Variants in RBM47 observed in about 807,000 individuals in gnomAD.
The protein encoded by RBM47 is RNA binding motif protein 47, also known as RNA-binding protein 47.
In RBM47, 21 loss-of-function variants were observed where a neutral mutation model predicts 47.1. That is an observed-to-expected ratio of 0.45 (90% CI 0.32 to 0.64). The LOEUF is 0.64. Among genes scored for constraint, RBM47 ranks in the 30% least tolerant of loss-of-function variants. The probability of loss-of-function intolerance (pLI) is 0.05; values close to 1 mark genes in which losing one functional copy is unlikely to be tolerated. For missense variants in RBM47, 708 were observed against 870.9 expected (o/e 0.81, Z 2.35); for synonymous variants, 375 against 361.7 (o/e 1.04, Z -0.42).
At chr4:40,555,150 T>A (rs1046004339) in intron 1 of RBM47, among the ~76,000 whole-genome samples, 2 of 152,198 alleles carry the variant, frequency 1.3e-5, no homozygotes, top group African/African-American at 4.8e-5. Context: ...TTGGCCAGGC[T>A]GGCCTCGAAC....
intron 2 of RBM47, among the ~76,000 whole-genome samples, chr4:40,510,438 A>G (rs186729081): frequency 7.2e-5 from 11 of 152,308 alleles, no homozygotes; most frequent in African/African-American, 2.6e-4. Flanking sequence ...AGCTAGAGAT[A>G]CAGTAGCAAG....
chr4:40,533,472 C>G (rs1489334305), intron 2 of RBM47, among the ~76,000 whole-genome samples: 1 of 151,372 alleles, frequency 6.6e-6, no homozygotes, highest in Non-Finnish European at 1.5e-5. Context: ...GAAAAAAAAG[C>G]TCTCAGGTAG....
chr4:40,534,032 C>T (rs570741130), intron 2 of RBM47, among the ~76,000 whole-genome samples: 355 of 152,134 alleles, frequency 2.3e-3, no homozygotes, highest in Non-Finnish European at 3.3e-3. Context: ...TCAGGCTGGT[C>T]TCAAACTCCC....
chr4:40,552,448 A>G (rs1303554150), intron 1 of RBM47, among the ~76,000 whole-genome samples: 2 of 152,038 alleles, frequency 1.3e-5, no homozygotes, highest in Admixed American at 1.3e-4. Context: ...ATAAATAAAA[A>G]TGGGCTCTGT....
At chr4:40,528,907 C>T (rs1264463113) in intron 2 of RBM47, among the ~76,000 whole-genome samples, 1 of 151,580 alleles carries the variant, frequency 6.6e-6, no homozygotes, top group East Asian at 1.9e-4. Context: ...CCCGCCACTG[C>T]ACTCCAGCCT....
chr4:40,567,587 T>C (rs1248491259), intron 1 of RBM47, among the ~76,000 whole-genome samples: 1 of 152,052 alleles, frequency 6.6e-6, no homozygotes, highest in Non-Finnish European at 1.5e-5. Context: ...CCCAAGATCT[T>C]GTAAAGGCAT....
intron 2 of RBM47, among the ~76,000 whole-genome samples, chr4:40,527,583 G>A (rs899872824): frequency 4.0e-5 from 6 of 150,296 alleles, no homozygotes; most frequent in South Asian, 2.1e-4. Context: ...GAGACACTGC[G>A]CCCGGACTAA....
intron 2 of RBM47, among the ~76,000 whole-genome samples, chr4:40,505,110 G>C (rs931695457): frequency 6.6e-6 from 1 of 152,140 alleles, no homozygotes; most frequent in African/African-American, 2.4e-5. Flanking sequence ...AGAATTGCTT[G>C]AGGCCAGGAG....
At position 40,530,884 on chromosome 4, in the gene RBM47, G is replaced by A. The variant is rs116261818; in HGVS notation, c.-155+13538C>T. On this transcript the variant is annotated intron_variant, in intron 2 of 6. Transcript: ENST00000295971. ...GGAGGCTGAAGTGGGAGGATCCTTG[G>A]AGCCCAGGAGTTGGGGACCAGCTTG... Among the ~76,000 whole-genome samples the A allele has an allele frequency of 5.1e-3, 778 of 152,164 alleles. 8 individuals are homozygous for A. The highest frequency in any genetic ancestry group is 0.018 in the African/African-American group (738 of 41,524).
chr4:40,487,946 A>C (rs1721332596), intron 2 of RBM47, among the ~76,000 whole-genome samples: 1 of 149,802 alleles, frequency 6.7e-6, no homozygotes, highest in Non-Finnish European at 1.5e-5. Context: ...AGGGAAAAAA[A>C]CGGAACGCAC....
At chr4:40,582,877 T>A (rs527646347) in intron 1 of RBM47, among the ~76,000 whole-genome samples, 22 of 152,346 alleles carry the variant, frequency 1.4e-4, no homozygotes, top group Admixed American at 1.3e-4. Flanking sequence ...CCCTTGCCCA[T>A]GCTGTACTCT....
intron 3 of RBM47, among the ~76,000 whole-genome samples, chr4:40,466,328 G>C: frequency 6.8e-6 from 1 of 146,724 alleles, no homozygotes; most frequent in Non-Finnish European, 1.5e-5. Context: ...GGAGGTTAAG[G>C]GTCAGATTTA....
At chr4:40,535,374 T>TTTTTTTTTTTTTTTCTTTTTTC in intron 2 of RBM47, among the ~76,000 whole-genome samples, 2 of 130,464 alleles carry the variant, frequency 1.5e-5, no homozygotes, top group East Asian at 2.3e-4. Context: ...GGTATTTCTT[T>TTTTTTTTTTTTTTTCTTTTTTC]TTTTTTTTTT....
rs1553877705 is a variant in RBM47, at chr4:40,437,090, A to ATATAT, written c.1124-444_1124-443insATATA. ...CCCTGTCTCAAAAAAAAAAAAAAAA[A>ATATAT]ATATATATATATATATATATAAAAT... On this transcript the variant is annotated intron_variant, in intron 4 of 6. Coordinates refer to ENST00000295971, the MANE Select transcript of RBM47 (RefSeq NM_001098634.2). 1.7e-3 allele frequency among the ~76,000 whole-genome samples: 84 copies of ATATAT among 49,808 alleles called. 12 individuals are homozygous for ATATAT. Among genetic ancestry groups the ATATAT allele is most frequent in the Middle Eastern group, 0.034 (2 of 58 alleles). The allele number at this position is 49,808 out of a possible 152,430, so 32.7% of individuals were successfully genotyped here.
rs1002717445 is a variant in RBM47 at position 40,449,660 on chromosome 4, C to G, written c.-31-10736G>C. Among the ~76,000 whole-genome samples, 7 of 152,232 alleles carry G rather than the reference C, an allele frequency of 4.6e-5. No homozygotes were observed. The East Asian group carries it at 1.2e-3, about 25-fold the overall frequency. ...CAGGGGTTTGGCAGCACACAAATACCAGTTAGGAAACTATTATCTTGTTCC... is the reference window on the plus strand; with the variant it reads ...CAGGGGTTTGGCAGCACACAAATACGAGTTAGGAAACTATTATCTTGTTCC... On this transcript the variant is annotated intron_variant, in intron 3 of 6. Transcript: ENST00000295971.
At position 40,616,869 on chromosome 4, in the gene RBM47, CTTTTCTTTTTTTTT is replaced by C. The variant is rs1384042816; in HGVS notation, c.-240+12513_-240+12526del. On this transcript the variant is annotated intron_variant, in intron 1 of 6. Transcript: ENST00000295971. ...AATCCACTGTTTCATCTTATATTTT[CTTTTCTTTTTTTTT>C]TTTTTTTTTTGAGACAGAGTCTTGC... Among the ~76,000 whole-genome samples the C allele has an allele frequency of 9.2e-5, 11 of 119,802 alleles. No individual in the cohort carries two copies. The South Asian group carries it at 3.0e-3, about 33-fold the overall frequency. 78.6% of individuals were successfully genotyped at this position (119,802 alleles called of 152,430 possible). A position where few individuals can be genotyped will look rare whatever the true frequency, so the allele number is the denominator to read the frequency against.
At chr4:40,484,129 T>C (rs1334994861) in intron 2 of RBM47, among the ~76,000 whole-genome samples, 1 of 152,216 alleles carries the variant, frequency 6.6e-6, no homozygotes, top group East Asian at 1.9e-4. Context: ...GAAAACTTTA[T>C]GTAGGGTACA....
chr4:40,541,868 A>G (rs1353364537), intron 2 of RBM47, among the ~76,000 whole-genome samples: 1 of 152,244 alleles, frequency 6.6e-6, no homozygotes, highest in East Asian at 1.9e-4. Flanking sequence ...TGTTCATTCT[A>G]TTTAAAGCAT....
chr4:40,569,973 A>T lies in RBM47; in HGVS notation c.-239-25467T>A, dbSNP rs988628587. On this transcript the variant is annotated intron_variant, in intron 1 of 6. Transcript: ENST00000295971. Reference sequence around the variant, plus strand: ...GTGATCCACCCGCCTTGGCCTCCCAAAGTGCTGGGATTACAGGCATGAGCC... The same window carrying T: ...GTGATCCACCCGCCTTGGCCTCCCATAGTGCTGGGATTACAGGCATGAGCC... Among the ~76,000 whole-genome samples, 12 of 152,018 alleles carry T rather than the reference A, an allele frequency of 7.9e-5. 1 individual carries two copies. Among genetic ancestry groups the T allele is most frequent in the Non-Finnish European group, 1.0e-4 (7 of 67,908 alleles).
Sources: allele counts gnomAD v4.1 joint callset (sites outside exome capture counted in the v4.1 genomes callset), GRCh38; gene constraint gnomAD v4.1.1; transcripts MANE v1.5; gene names NCBI Gene and HGNC (gene_info 2026-07-23, HGNC 2026-07-21).